GMPPA: variants seen among roughly 807,000 people sequenced by gnomAD.
GMPPA encodes the protein mannose-1-phosphate guanylyltransferase regulatory subunit alpha.
In GMPPA, 46 loss-of-function variants were observed where a neutral mutation model predicts 58.6. The ratio of observed to expected loss-of-function variants is 0.78; its 90% CI spans 0.62 to 1.00. The LOEUF is 1.00. GMPPA is among the 50% of genes least tolerant of loss of function. The probability of loss-of-function intolerance (pLI) is 0.00; values close to 1 mark genes in which losing one functional copy is unlikely to be tolerated. For missense variants in GMPPA, 468 were observed against 556.4 expected (o/e 0.84, Z 1.60); for synonymous variants, 211 against 214.9 (o/e 0.98, Z 0.16).
chr2:219,505,589 T>G, intron 9 of GMPPA, 34 bp downstream of exon 9: 1 of 1,570,078 alleles, frequency 6.4e-7, no homozygotes, highest in Non-Finnish European at 8.7e-7. Context: ...AACCTTTGGC[T>G]TCCACCCCAG....
rs779514767 is a variant in GMPPA, at chr2:219,506,695, C to T, written c.1163-3C>T. The T allele has an allele frequency of 1.9e-6, 3 of 1,562,448 alleles. No individual in the cohort carries two copies. ...TCCCCTGGTGCCCTCATCCATGCTG[C>T]AGGCTGCCGAGTCCGGATCCCTGCC... On this transcript the variant is annotated splice_polypyrimidine_tract_variant and splice_region_variant and intron_variant, in intron 12 of 12. Coordinates refer to ENST00000313597, the MANE Select transcript of GMPPA (RefSeq NM_013335.4).
rs1018038018 is a variant in GMPPA, at chr2:219,501,968, C to G, written c.360C>G (p.Asp120Glu). 5 of 1,614,108 alleles carry G rather than the reference C, an allele frequency of 3.1e-6. No individual in the cohort carries two copies. The highest frequency in any genetic ancestry group is 4.2e-6 in the Non-Finnish European group (5 of 1,180,054). ...FFVLNADVCSDFPLSAMLEAH... is the reference protein window; with the variant it reads ...FFVLNADVCSEFPLSAMLEAH... ...TGCTCAATGCTGATGTCTGCTCCGA[C>G]TTCCCCTTGAGTGCTATGTTGGAAG... Residue 120 changes from aspartate (D) to glutamate (E), a missense_variant, in exon 5 of 13, where the codon GAC (aspartate) becomes GAG (glutamate). Transcript: ENST00000313597.
rs397518460 is a variant in GMPPA, at chr2:219,501,903, C to T, written c.295C>T (p.Arg99Ter). The change falls in exon 5 of 13, where the codon CGA becomes TGA. Residue 99 changes from arginine to a stop codon, truncating the protein, a stop_gained. Transcript: ENST00000313597. LOFTEE classifies it high-confidence loss of function. ...LGTGGGLYHFRDQILAGSPEA... is the reference protein window; with the variant it reads ...LGTGGGLYHF ...CACAGGGGGTGGTCTTTACCATTTT[C>T]GAGACCAGATCCTGGCTGGGAGCCC... 5.0e-6 allele frequency: 8 copies of T among 1,614,038 alleles called. No homozygotes were observed. Among genetic ancestry groups the T allele is most frequent in the East Asian group, 2.2e-5 (1 of 44,882 alleles).
At chr2:219,499,803 A>T in intron 1 of GMPPA, 153 bp from the exon 2 acceptor site, 1 of 662,672 alleles carries the variant, frequency 1.5e-6, no homozygotes, top group Non-Finnish European at 2.8e-6. Flanking sequence ...CTGGGATTTG[A>T]GATGTGTGGG....
Position 219,500,102 on chromosome 2 carries a change from C to T in GMPPA, c.41-19C>T. On this transcript the variant is annotated intron_variant, in intron 2 of 12. Transcript: ENST00000313597. The stretch of plus-strand genomic sequence containing the variant: ...GAGGAAGGCAGGAGGCCGAAATGTT[C>T]TCCTCTCTCCTCTCCCAGGAACTCG... The T allele has an allele frequency of 6.2e-7, 1 of 1,600,962 alleles. No homozygotes were observed. The highest frequency in any genetic ancestry group is 2.2e-5 in the East Asian group (1 of 44,768).
intron 4 of GMPPA, 70 bp downstream of exon 4, chr2:219,501,649 T>C: frequency 2.9e-6 from 3 of 1,039,272 alleles, no homozygotes; most frequent in Non-Finnish European, 3.0e-6. Flanking sequence ...GGAAGTGGGT[T>C]GAGTCAGCAT....
At chr2:219,501,263 A>G in intron 3 of GMPPA, 1 of 553,648 alleles carries the variant, frequency 1.8e-6, no homozygotes, top group South Asian at 2.2e-5. Context: ...ACCCTTTTTC[A>G]CAAAAATAAA....
In GMPPA at chr2:219,499,951, T is replaced by G; in HGVS notation, c.-20-5T>G. 1.2e-6 allele frequency: 2 copies of G among 1,611,448 alleles called. No individual in the cohort carries two copies. The highest frequency in any genetic ancestry group is 1.7e-6 in the Non-Finnish European group (2 of 1,177,604). ...TGAGCTTGATTTCTCTGTTGGAATT[T>G]GAAGTTTAGGTAGCAGTCACCATTA... On this transcript the variant is annotated splice_polypyrimidine_tract_variant and splice_region_variant and intron_variant, in intron 1 of 12. Coordinates refer to ENST00000313597, the MANE Select transcript of GMPPA (RefSeq NM_013335.4).
Position 219,506,028 on chromosome 2 carries a change from G to A in GMPPA, c.949G>A (p.Val317Met), listed in dbSNP as rs1469739753. ...IGKGVTVGEGVRLRESIVLHG... is the reference protein window; with the variant it reads ...IGKGVTVGEGMRLRESIVLHG... ...GAAGGGGGTGACCGTGGGTGAGGGTGTGCGGCTCCGGGAGAGCATCGTCCT... is the reference window on the plus strand; with the variant it reads ...GAAGGGGGTGACCGTGGGTGAGGGTATGCGGCTCCGGGAGAGCATCGTCCT... Residue 317 changes from valine (V) to methionine (M), a missense_variant, in exon 11 of 13, where the codon GTG (valine) becomes ATG (methionine). Coordinates refer to ENST00000313597, the MANE Select transcript of GMPPA (RefSeq NM_013335.4). 2 of 1,595,920 alleles carry A rather than the reference G, an allele frequency of 1.3e-6. No individual in the cohort carries two copies. Among genetic ancestry groups the A allele is most frequent in the Admixed American group, 3.5e-5 (2 of 57,966 alleles).
At chr2:219,504,033 C>A (rs751284737) in intron 6 of GMPPA, 50 bp from the exon 7 acceptor site, 52 of 1,608,006 alleles carry the variant, frequency 3.2e-5, no homozygotes, top group Non-Finnish European at 4.2e-5. Context: ...TCTTAGGGGA[C>A]TGTGGCGGTA....
At chr2:219,503,859 G>A (rs564907854) in intron 6 of GMPPA, among the ~76,000 whole-genome samples, 7 of 152,220 alleles carry the variant, frequency 4.6e-5, no homozygotes, top group Non-Finnish European at 1.0e-4. Context: ...GGATCAGGCA[G>A]GGAAAGCCAT....
In GMPPA at chr2:219,505,965, T is replaced by A. The variant is rs749249058; in HGVS notation, c.901-15T>A. On this transcript the variant is annotated splice_polypyrimidine_tract_variant and intron_variant, in intron 10 of 12. Transcript: ENST00000313597. Reference sequence around the variant, plus strand: ...AAGTCCCTCCAGGGCTTATGGTGTGTGCTTCTCTCCACAGCTGGGCCCCAA... The same window carrying A: ...AAGTCCCTCCAGGGCTTATGGTGTGAGCTTCTCTCCACAGCTGGGCCCCAA... The A allele has an allele frequency of 1.3e-6, 2 of 1,534,928 alleles. No homozygotes were observed. The highest frequency in any genetic ancestry group is 2.7e-5 in the African/African-American group (2 of 73,078).
chr2:219,505,663 G>T (rs1412995612), intron 9 of GMPPA, 52 bp from the exon 10 acceptor site: 15 of 1,603,414 alleles, frequency 9.4e-6, no homozygotes, highest in African/African-American at 1.3e-5. Context: ...GCCCCTTCCT[G>T]ATCAAATTCG....
chr2:219,500,247 T>G, intron 3 of GMPPA, 29 bp downstream of exon 3: 3 of 1,187,438 alleles, frequency 2.5e-6, no homozygotes, highest in Non-Finnish European at 3.7e-6. Flanking sequence ...CTCTCTCACC[T>G]CACTTCCTGC....
chr2:219,504,649 G>A lies in GMPPA; in HGVS notation c.620+436G>A, dbSNP rs376070841. On this transcript the variant is annotated intron_variant, in intron 7 of 12. Transcript: ENST00000313597. ...CCCAGGGTCTTCCCTCCTGGGGCTA[G>A]AAGCTGTTCCCTTCTAGGGATCCTT... The A allele has an allele frequency of 5.8e-5, 12 of 206,352 alleles. No homozygotes were observed. In the East Asian group the frequency reaches 9.9e-4, roughly 17 times the overall value. The allele number at this position is 206,352 out of a possible 1,614,324, so 12.8% of individuals were successfully genotyped here. A position where few individuals can be genotyped will look rare whatever the true frequency, so the allele number is the denominator to read the frequency against.
chr2:219,504,011 G>A, intron 6 of GMPPA, 72 bp from the exon 7 acceptor site: 1 of 1,566,942 alleles, frequency 6.4e-7, no homozygotes, highest in Non-Finnish European at 8.7e-7. Flanking sequence ...GAAGGGCCTA[G>A]AAATCAGAGG....
At chr2:219,505,938 C>G in intron 10 of GMPPA, 42 bp from the exon 11 acceptor site, 2 of 1,391,756 alleles carry the variant, frequency 1.4e-6, no homozygotes, top group Non-Finnish European at 2.0e-6. Flanking sequence ...TGGGGATCCT[C>G]CAAGTCCCTC....
chr2:219,504,026 T>C, intron 6 of GMPPA, 57 bp from the exon 7 acceptor site: 2 of 1,599,512 alleles, frequency 1.3e-6, no homozygotes, highest in Non-Finnish European at 1.7e-6. Context: ...CAGAGGGTCT[T>C]AGGGGACTGT....
intron 9 of GMPPA, 67 bp downstream of exon 9, chr2:219,505,622 C>G: frequency 6.3e-7 from 1 of 1,578,542 alleles, no homozygotes; most frequent in Non-Finnish European, 8.7e-7. Flanking sequence ...GGATTCTTGA[C>G]CTCGAGTCCA....
Sources: allele counts gnomAD v4.1 joint callset (sites outside exome capture counted in the v4.1 genomes callset), GRCh38; gene constraint gnomAD v4.1.1; transcripts MANE v1.5; gene names NCBI Gene and HGNC (gene_info 2026-07-23, HGNC 2026-07-21).